The following ENAH variants were observed in gnomAD, a reference collection of about 807,000 sequenced individuals.
The protein encoded by ENAH is protein enabled homolog.
A neutral mutation model predicts 78.7 loss-of-function variants in ENAH; 23 were observed. The observed-to-expected ratio is 0.29, with a 90% CI of 0.21 to 0.41. The LOEUF (loss-of-function observed/expected upper bound fraction) is 0.41. Ranked by LOEUF, ENAH falls within the 10% of genes least tolerant of loss-of-function variation. The probability of loss-of-function intolerance (pLI) is 1.00; values close to 1 mark genes in which losing one functional copy is unlikely to be tolerated. For missense variants in ENAH, 544 were observed against 691.0 expected (o/e 0.79, Z 2.39); for synonymous variants, 226 against 241.0 (o/e 0.94, Z 0.58).
At chr1:225,499,140 A>G (rs1032317525) in intron 12 of ENAH, among the ~76,000 whole-genome samples, 4 of 152,188 alleles carry the variant, frequency 2.6e-5, no homozygotes, top group Non-Finnish European at 4.4e-5. Flanking sequence ...ATATTAAAAC[A>G]TACTTTAAAT....
chr1:225,618,623 TACCA>T (rs1286686532), intron 1 of ENAH, among the ~76,000 whole-genome samples: 1 of 152,252 alleles, frequency 6.6e-6, no homozygotes, highest in Non-Finnish European at 1.5e-5. Flanking sequence ...AGTGCCTACC[TACCA>T]GTCTTTCTTG....
chr1:225,596,234 T>C (rs185070081), intron 1 of ENAH, among the ~76,000 whole-genome samples: 2 of 152,324 alleles, frequency 1.3e-5, no homozygotes, highest in East Asian at 3.9e-4. Context: ...GTACTCTTCA[T>C]TGAAAAACCG....
chr1:225,636,248 G>GTTT (rs1660039009), intron 1 of ENAH, among the ~76,000 whole-genome samples: 1 of 152,092 alleles, frequency 6.6e-6, no homozygotes, highest in African/African-American at 2.4e-5. Flanking sequence ...TACTGTATTA[G>GTTT]TTTCTAATTT....
chr1:225,583,454 G>C (rs867057970), intron 1 of ENAH, among the ~76,000 whole-genome samples: 2 of 115,668 alleles, frequency 1.7e-5, no homozygotes, highest in Non-Finnish European at 3.6e-5. Flanking sequence ...AAAAAAAAAA[G>C]AGAGAGAGAA....
At chr1:225,653,504 C>G (rs1663451598), upstream of ENAH, among the ~76,000 whole-genome samples, 1 of 151,314 alleles carries the variant, frequency 6.6e-6, no homozygotes. This position sits in a 1 kb window ranked among gnomAD's most constrained non-coding sequence, Gnocchi z 4.3. Flanking sequence ...CTCCCCGTCG[C>G]CTCCCGCTCC....
intron 12 of ENAH, among the ~76,000 whole-genome samples, chr1:225,499,977 C>T (rs1020807206): frequency 6.6e-6 from 1 of 152,190 alleles, no homozygotes; most frequent in African/African-American, 2.4e-5. Flanking sequence ...ATCCAAATTA[C>T]TCTTTACATC....
intron 1 of ENAH, among the ~76,000 whole-genome samples, chr1:225,625,225 G>C (rs1242296137): frequency 6.6e-6 from 1 of 152,136 alleles, no homozygotes; most frequent in African/African-American, 2.4e-5. Flanking sequence ...ACAAGATAAA[G>C]TAAATATGAA....
chr1:225,557,577 T>C (rs1034175261), intron 2 of ENAH, among the ~76,000 whole-genome samples: 12 of 152,304 alleles, frequency 7.9e-5, no homozygotes, highest in African/African-American at 2.4e-4. Context: ...TTCCAGCACT[T>C]TGGGAGGCCA....
In ENAH at chr1:225,579,885, G is replaced by GA. The variant is rs371593997; in HGVS notation, c.6-12472dup. On this transcript the variant is annotated intron_variant, in intron 1 of 13. Coordinates refer to ENST00000366843, the MANE Select transcript of ENAH (RefSeq NM_018212.6). ...GATAAAACTTCAACCTAAAACTACA[G>GA]AAAAAGAACCTTTCAATGTTTAAAG... Among the ~76,000 whole-genome samples, 23 of 152,186 alleles carry GA rather than the reference G, an allele frequency of 1.5e-4. No individual in the cohort carries two copies. The East Asian group carries it at 4.0e-3, about 27-fold the overall frequency.
At chr1:225,629,186 G>A (rs1658516408) in intron 1 of ENAH, among the ~76,000 whole-genome samples, 1 of 152,132 alleles carries the variant, frequency 6.6e-6, no homozygotes, top group Admixed American at 6.5e-5. Context: ...GCTGGGTCAG[G>A]AGAATCGCTT....
intron 1 of ENAH, among the ~76,000 whole-genome samples, chr1:225,601,165 T>C (rs1169751773): frequency 2.0e-5 from 3 of 152,130 alleles, no homozygotes; most frequent in African/African-American, 7.2e-5. Flanking sequence ...TTCAGACTAC[T>C]GATAGATCAA....
chr1:225,617,996 G>A (rs1240068734), intron 1 of ENAH, among the ~76,000 whole-genome samples: 1 of 152,182 alleles, frequency 6.6e-6, no homozygotes, highest in Non-Finnish European at 1.5e-5. Context: ...TCTCTTAAAA[G>A]AGGAAAGTTA....
intron 1 of ENAH, among the ~76,000 whole-genome samples, chr1:225,613,574 AACAAC>A (rs2097004342): frequency 6.6e-6 from 1 of 152,242 alleles, no homozygotes; most frequent in South Asian, 2.1e-4. Context: ...TAGATCAACA[AACAAC>A]ACTTATTGAA....
chr1:225,516,193 C>T (rs1050412320), intron 6 of ENAH, among the ~76,000 whole-genome samples: 40 of 152,062 alleles, frequency 2.6e-4, no homozygotes, highest in Non-Finnish European at 3.7e-4. Flanking sequence ...AAGGTAGGGA[C>T]GGGGAGAATA....
intron 2 of ENAH, among the ~76,000 whole-genome samples, chr1:225,560,499 T>G (rs974964243): frequency 4.0e-5 from 6 of 151,884 alleles, no homozygotes; most frequent in Admixed American, 3.3e-4. Flanking sequence ...AAAAAAAGAT[T>G]AAATGTTATG....
chr1:225,497,919 TAAG>T (rs28364744), intron 13 of ENAH, 107 bp from the exon 14 acceptor site: 544,127 of 807,070 alleles, frequency 0.67, 188,103 homozygotes, highest in Middle Eastern at 0.73. Context: ...CTCACAGTAA[TAAG>T]AAGATTAACT....
intron 4 of ENAH, among the ~76,000 whole-genome samples, chr1:225,528,637 G>A (rs1165895911): frequency 6.6e-6 from 1 of 152,120 alleles, no homozygotes; most frequent in Admixed American, 6.5e-5. Flanking sequence ...TGACCAAGTA[G>A]AAAACTGAAG....
chr1:225,594,254 G>A (rs1450455911), intron 1 of ENAH, among the ~76,000 whole-genome samples: 1 of 152,170 alleles, frequency 6.6e-6, no homozygotes, highest in Admixed American at 6.5e-5. Context: ...TTCAAACACT[G>A]CGCAAAGTCT....
intron 3 of ENAH, among the ~76,000 whole-genome samples, chr1:225,541,944 A>C (rs1019744686): frequency 1.3e-5 from 2 of 152,138 alleles, no homozygotes; most frequent in African/African-American, 2.4e-5. Context: ...TGCAATGGTG[A>C]GTTCCAGTGA....
Sources: allele counts gnomAD v4.1 joint callset (sites outside exome capture counted in the v4.1 genomes callset), GRCh38; gene constraint gnomAD v4.1.1; non-coding constraint Gnocchi (gnomAD v3.1); transcripts MANE v1.5; gene names NCBI Gene and HGNC (gene_info 2026-07-23, HGNC 2026-07-21).